Variants in IL1RAPL1 observed in about 807,000 individuals in gnomAD.
The protein encoded by IL1RAPL1 is interleukin 1 receptor accessory protein like 1, also known as interleukin-1 receptor accessory protein-like 1.
Under a neutral mutation model 48.4 loss-of-function variants are expected in IL1RAPL1, and 3 were observed. That is an observed-to-expected ratio of 0.06 (90% CI 0.03 to 0.16). The LOEUF is 0.16. Among genes scored for constraint, IL1RAPL1 ranks in the 10% least tolerant of loss-of-function variants. The pLI is 1.00. For missense variants in IL1RAPL1, 349 were observed against 530.6 expected (o/e 0.66, Z 3.36); for synonymous variants, 185 against 187.7 (o/e 0.99, Z 0.12).
At chrX:29,184,788 A>T (rs1930219411) in intron 2 of IL1RAPL1, among the ~76,000 whole-genome samples, 1 of 112,216 alleles carries the variant, frequency 8.9e-6, no homozygotes, top group Non-Finnish European at 1.9e-5. Context: ...AGCATGAGCC[A>T]CCGCACCCAC....
chrX:29,646,132 G>A (rs1925317558), intron 5 of IL1RAPL1, among the ~76,000 whole-genome samples: 1 of 111,518 alleles, frequency 9.0e-6, no homozygotes. Flanking sequence ...CTACATAACA[G>A]AAAATTCAAA....
chrX:29,368,259 A>AT (rs773380564), intron 3 of IL1RAPL1, among the ~76,000 whole-genome samples: 3 of 112,473 alleles, frequency 2.7e-5, no homozygotes, highest in African/African-American at 3.2e-5. Context: ...AGACTGTGCT[A>AT]TTTTTTTATA....
At chrX:29,047,492 A>T (rs767870658) in intron 2 of IL1RAPL1, among the ~76,000 whole-genome samples, 1 of 112,468 alleles carries the variant, frequency 8.9e-6, no homozygotes, top group East Asian at 2.8e-4. Flanking sequence ...TGGATCTGTT[A>T]AGATAAACCT....
intron 2 of IL1RAPL1, among the ~76,000 whole-genome samples, chrX:29,078,299 AAAAAAC>A (rs1057421573): frequency 8.9e-6 from 1 of 112,335 alleles, no homozygotes; most frequent in Non-Finnish European, 1.9e-5. Flanking sequence ...AACAAAACAA[AAAAAAC>A]AAAAACAAAA....
At chrX:29,410,402 A>C (rs1934128730) in intron 5 of IL1RAPL1, among the ~76,000 whole-genome samples, 1 of 107,738 alleles carries the variant, frequency 9.3e-6, no homozygotes, top group Non-Finnish European at 1.9e-5. Flanking sequence ...TGGAGGTTGC[A>C]GTGAGCCGAG....
At chrX:29,342,151 TG>T in intron 3 of IL1RAPL1, among the ~76,000 whole-genome samples, 1 of 92,420 alleles carries the variant, frequency 1.1e-5, no homozygotes, top group South Asian at 4.4e-4. Flanking sequence ...TGTGTGTGTG[TG>T]TGTTTGTTTT....
chrX:29,117,355 A>G (rs1173189246), intron 2 of IL1RAPL1, among the ~76,000 whole-genome samples: 2 of 112,187 alleles, frequency 1.8e-5, no homozygotes, highest in Non-Finnish European at 3.8e-5. Flanking sequence ...CTAAGTGTTC[A>G]GAGTTTGAAA....
chrX:29,952,851 T>G (rs750948212), intron 9 of IL1RAPL1, among the ~76,000 whole-genome samples: 3 of 112,354 alleles, frequency 2.7e-5, no homozygotes, highest in Non-Finnish European at 5.6e-5. Context: ...TAGCTGAAGT[T>G]TTTATTCCAA....
At chrX:29,058,839 G>C (rs1927281738) in intron 2 of IL1RAPL1, among the ~76,000 whole-genome samples, 1 of 111,884 alleles carries the variant, frequency 8.9e-6, no homozygotes, top group Admixed American at 9.5e-5. Flanking sequence ...CTCATAGTTT[G>C]TGTCCCCATC....
At chrX:28,596,632 A>C (rs1389113964) in intron 1 of IL1RAPL1, among the ~76,000 whole-genome samples, 1 of 111,679 alleles carries the variant, frequency 9.0e-6, no homozygotes, top group African/African-American at 3.3e-5. Flanking sequence ...TCGAGTCCCT[A>C]ATATAAAATG....
intron 2 of IL1RAPL1, among the ~76,000 whole-genome samples, chrX:29,109,775 A>G (rs1258899103): frequency 8.9e-6 from 1 of 112,090 alleles, no homozygotes; most frequent in Non-Finnish European, 1.9e-5. Flanking sequence ...AGTCTCCTCC[A>G]ATGTCATTTT....
At chrX:28,991,041 A>T (rs904442940) in intron 2 of IL1RAPL1, among the ~76,000 whole-genome samples, 16 of 111,837 alleles carry the variant, frequency 1.4e-4, no homozygotes, top group Non-Finnish European at 5.6e-5. Context: ...TAGAAATCAG[A>T]AATGTATAGT....
intron 6 of IL1RAPL1, among the ~76,000 whole-genome samples, chrX:29,674,330 G>A (rs1926217385): frequency 9.0e-6 from 1 of 111,647 alleles, no homozygotes; most frequent in Non-Finnish European, 1.9e-5. Flanking sequence ...GGAGGCTGAG[G>A]TAGGAGGATC....
At chrX:29,608,207 T>C (rs1481528622) in intron 5 of IL1RAPL1, among the ~76,000 whole-genome samples, 1 of 111,623 alleles carries the variant, frequency 9.0e-6, no homozygotes, top group Admixed American at 9.5e-5. Flanking sequence ...TAGCCTGGAC[T>C]TTTTAATAGC....
chrX:29,289,045 G>A (rs1207918447), intron 3 of IL1RAPL1, among the ~76,000 whole-genome samples: 3 of 110,851 alleles, frequency 2.7e-5, no homozygotes, highest in Non-Finnish European at 5.7e-5. Context: ...TAAGTTCCTT[G>A]TAGACTCTGG....
chrX:28,713,277 C>T (rs185624041), intron 1 of IL1RAPL1, among the ~76,000 whole-genome samples: 203 of 110,241 alleles, frequency 1.8e-3, no homozygotes, highest in African/African-American at 3.6e-3. Flanking sequence ...AGGATGGTCT[C>T]GATCTCCTGA....
intron 2 of IL1RAPL1, among the ~76,000 whole-genome samples, chrX:29,057,635 G>A (rs1041666671): frequency 3.6e-5 from 4 of 110,593 alleles, no homozygotes; most frequent in African/African-American, 1.3e-4. Flanking sequence ...CACCATGTTG[G>A]CCAGGCTGGT....
chrX:29,200,159 A>AT (rs1399735809), intron 2 of IL1RAPL1, among the ~76,000 whole-genome samples: 1 of 110,690 alleles, frequency 9.0e-6, no homozygotes, highest in Admixed American at 9.6e-5. Flanking sequence ...AAAGAAAAAA[A>AT]AAATCCAACA....
chrX:28,813,266 A>G (rs1229321382), intron 2 of IL1RAPL1, among the ~76,000 whole-genome samples: 3 of 111,290 alleles, frequency 2.7e-5, no homozygotes, highest in Non-Finnish European at 5.7e-5. Context: ...AGATTTTAAC[A>G]TTTTTTGGAA....
Sources: gnomAD v4.1 joint callset for allele counts (sites outside exome capture counted in the v4.1 genomes callset) on GRCh38, gnomAD v4.1.1 for gene constraint, MANE v1.5 for transcripts, NCBI Gene and HGNC (gene_info 2026-07-23, HGNC 2026-07-21) for gene names.